CSMD1: variants seen among roughly 807,000 people sequenced by gnomAD.
CSMD1 encodes the protein CUB and sushi domain-containing protein 1.
A neutral mutation model predicts 417.5 loss-of-function variants in CSMD1; 213 were observed. That is an observed-to-expected ratio of 0.51 (90% CI 0.46 to 0.57). CSMD1 has a LOEUF of 0.57. CSMD1 is among the 20% of genes least tolerant of loss of function. The pLI is 0.00. For synonymous variants in CSMD1, 2,862 were observed against 1,736.8 expected (o/e 1.65, Z -16.11); for missense variants, 6,923 against 4,529.7 (o/e 1.53, Z -15.17).
At chr8:3,807,484 C>A (rs955002633) in intron 5 of CSMD1, among the ~76,000 whole-genome samples, 3 of 152,090 alleles carry the variant, frequency 2.0e-5, no homozygotes, top group African/African-American at 4.8e-5. Flanking sequence ...GTCAAGTTAT[C>A]TTTGAAACAT....
chr8:3,808,982 A>C (rs1300523940), intron 5 of CSMD1, among the ~76,000 whole-genome samples: 1 of 152,144 alleles, frequency 6.6e-6, no homozygotes, highest in African/African-American at 2.4e-5. Flanking sequence ...CTGGTTAAAC[A>C]GGTTTGAGTC....
chr8:4,243,222 G>C (rs1196360769), intron 3 of CSMD1, among the ~76,000 whole-genome samples: 1 of 151,880 alleles, frequency 6.6e-6, no homozygotes, highest in South Asian at 2.1e-4. Flanking sequence ...TGGCTATTAG[G>C]AGAGTCAGGA....
At chr8:4,426,818 C>T (rs1029451075) in intron 2 of CSMD1, among the ~76,000 whole-genome samples, 3 of 149,898 alleles carry the variant, frequency 2.0e-5, no homozygotes, top group South Asian at 2.1e-4. Flanking sequence ...TGTAATATTA[C>T]ATGATACATA....
At chr8:3,234,833 C>G (rs1799055200) in intron 26 of CSMD1, among the ~76,000 whole-genome samples, 1 of 152,186 alleles carries the variant, frequency 6.6e-6, no homozygotes, top group African/African-American at 2.4e-5. Flanking sequence ...GGGTACCCTT[C>G]CTGAACCAGC....
intron 3 of CSMD1, among the ~76,000 whole-genome samples, chr8:4,091,036 AG>A (rs1250055947): frequency 7.9e-5 from 12 of 151,488 alleles, no homozygotes; most frequent in African/African-American, 2.2e-4. Context: ...CTCCTGTCTC[AG>A]CCTCACAAGT....
chr8:4,810,370 T>C (rs1299449022), intron 1 of CSMD1, among the ~76,000 whole-genome samples: 1 of 152,236 alleles, frequency 6.6e-6, no homozygotes, highest in Non-Finnish European at 1.5e-5. Flanking sequence ...TGACTTTTGA[T>C]AATTTATTCC....
chr8:3,109,946 G>C (rs779832315), intron 43 of CSMD1, among the ~76,000 whole-genome samples: 9 of 151,722 alleles, frequency 5.9e-5, no homozygotes, highest in Non-Finnish European at 1.0e-4. Context: ...CAGACACACA[G>C]ACATAATTCT....
intron 3 of CSMD1, among the ~76,000 whole-genome samples, chr8:4,146,915 C>A: frequency 6.9e-6 from 1 of 144,264 alleles, no homozygotes; most frequent in Middle Eastern, 3.2e-3. Flanking sequence ...ACCGGCCAGA[C>A]ACACTGAACT....
At chr8:3,406,600 C>T (rs1467525575) in intron 14 of CSMD1, among the ~76,000 whole-genome samples, 1 of 152,106 alleles carries the variant, frequency 6.6e-6, no homozygotes, top group Non-Finnish European at 1.5e-5. Flanking sequence ...TGACATTGGG[C>T]ATATGACTCT....
intron 3 of CSMD1, among the ~76,000 whole-genome samples, chr8:4,398,973 G>C (rs1037438574): frequency 1.3e-5 from 2 of 152,106 alleles, no homozygotes; most frequent in East Asian, 1.9e-4. Flanking sequence ...CTTCTTCCAG[G>C]AAACAGTCAA....
chr8:3,521,881 C>A (rs934923421), intron 10 of CSMD1, among the ~76,000 whole-genome samples: 2 of 152,086 alleles, frequency 1.3e-5, no homozygotes, highest in African/African-American at 4.8e-5. Flanking sequence ...CAGTTTGATG[C>A]CAAATTTTGT....
At chr8:3,209,966 TC>T (rs1797508772) in intron 30 of CSMD1, among the ~76,000 whole-genome samples, 1 of 152,208 alleles carries the variant, frequency 6.6e-6, no homozygotes, top group South Asian at 2.1e-4. Context: ...TGCTTCAATT[TC>T]AGTTACAATT....
chr8:4,049,351 C>G (rs1215333834), intron 3 of CSMD1, among the ~76,000 whole-genome samples: 3 of 152,010 alleles, frequency 2.0e-5, no homozygotes, highest in Non-Finnish European at 4.4e-5. Context: ...GCACTCCAAG[C>G]TCCTAGAGTT....
At chr8:4,115,451 T>C (rs1395313128) in intron 3 of CSMD1, among the ~76,000 whole-genome samples, 1 of 152,244 alleles carries the variant, frequency 6.6e-6, no homozygotes, top group Non-Finnish European at 1.5e-5. Flanking sequence ...CTCTGAGGTA[T>C]GCCTGTGTTT....
chr8:4,154,321 G>A, intron 3 of CSMD1, among the ~76,000 whole-genome samples: 1 of 152,052 alleles, frequency 6.6e-6, no homozygotes, highest in East Asian at 1.9e-4. Context: ...TATTTAAGTT[G>A]AAAGGATGTA....
intron 1 of CSMD1, among the ~76,000 whole-genome samples, chr8:4,918,116 T>G (rs774544547): frequency 5.3e-5 from 8 of 152,246 alleles, no homozygotes; most frequent in Non-Finnish European, 7.3e-5. Context: ...TGTATTCTAT[T>G]ACAAAACTGC....
At chr8:3,109,587 C>G (rs752043491) in intron 43 of CSMD1, among the ~76,000 whole-genome samples, 20 of 152,264 alleles carry the variant, frequency 1.3e-4, no homozygotes, top group Non-Finnish European at 2.6e-4. Context: ...GGCCTTGGAG[C>G]TCTGCCTGTC....
At chr8:3,109,596 T>G (rs561639808) in intron 43 of CSMD1, among the ~76,000 whole-genome samples, 7 of 152,114 alleles carry the variant, frequency 4.6e-5, no homozygotes, top group Non-Finnish European at 5.9e-5. Context: ...GCTCTGCCTG[T>G]CAGAGCCCAG....
chr8:3,891,654 G>C (rs983239301), intron 5 of CSMD1, among the ~76,000 whole-genome samples: 1 of 150,892 alleles, frequency 6.6e-6, no homozygotes, highest in East Asian at 2.0e-4. Flanking sequence ...CTGCACTAGA[G>C]CCTAGGTGAC....
Sources: gnomAD v4.1 joint callset for allele counts (sites outside exome capture counted in the v4.1 genomes callset) on GRCh38, gnomAD v4.1.1 for gene constraint, MANE v1.5 for transcripts, NCBI Gene and HGNC (gene_info 2026-07-23, HGNC 2026-07-21) for gene names.